The following ARHGAP15 variants were observed in gnomAD, a reference collection of about 807,000 sequenced individuals.
The protein encoded by ARHGAP15 is rho GTPase-activating protein 15.
A neutral mutation model predicts 63.7 loss-of-function variants in ARHGAP15; 51 were observed. That is an observed-to-expected ratio of 0.80 (90% CI 0.64 to 1.01). The LOEUF (loss-of-function observed/expected upper bound fraction) is 1.01, where lower values mean the gene tolerates loss of function less well. Among genes scored for constraint, ARHGAP15 ranks in the 50% least tolerant of loss-of-function variants. ARHGAP15 has a pLI of 0.00. For synonymous variants in ARHGAP15, 191 were observed against 193.8 expected, an observed-to-expected ratio of 0.99 and a Z score of 0.12; for missense variants, 560 against 564.6, an observed-to-expected ratio of 0.99 and a Z score of 0.08.
chr2:143,256,008 C>A (rs191232807), intron 6 of ARHGAP15, among the ~76,000 whole-genome samples: 228 of 152,052 alleles, frequency 1.5e-3, no homozygotes, highest in African/African-American at 5.3e-3. Flanking sequence ...ATGTGTGTTC[C>A]AATTTGGGCT....
chr2:143,696,726 A>T (rs192359615), intron 12 of ARHGAP15, among the ~76,000 whole-genome samples: 13 of 152,348 alleles, frequency 8.5e-5, no homozygotes, highest in Admixed American at 7.8e-4. Context: ...TCAAAAAAAC[A>T]GCCAAAACAT....
intron 11 of ARHGAP15, among the ~76,000 whole-genome samples, chr2:143,604,827 T>C (rs932238841): frequency 2.0e-5 from 3 of 152,170 alleles, no homozygotes; most frequent in Non-Finnish European, 4.4e-5. Flanking sequence ...TTTTGCTTTA[T>C]TGTAGTGAAG....
intron 11 of ARHGAP15, among the ~76,000 whole-genome samples, chr2:143,620,734 A>G (rs2105234763): frequency 6.6e-6 from 1 of 152,320 alleles, no homozygotes; most frequent in South Asian, 2.1e-4. Context: ...TGATAACAAT[A>G]GCATCTTCCT....
At chr2:143,300,138 C>A (rs963836260) in intron 6 of ARHGAP15, among the ~76,000 whole-genome samples, 3 of 151,932 alleles carry the variant, frequency 2.0e-5, no homozygotes, top group South Asian at 4.1e-4. Context: ...AGTCTGGGAA[C>A]GTCCTACAGG....
At chr2:143,626,186 T>TGC (rs1698828190) in intron 12 of ARHGAP15, among the ~76,000 whole-genome samples, 1 of 152,132 alleles carries the variant, frequency 6.6e-6, no homozygotes, top group African/African-American at 2.4e-5. Flanking sequence ...CCAACACCTA[T>TGC]AAAATGGGTT....
In ARHGAP15 at chr2:143,436,942, C is replaced by T. The variant is rs774313685; in HGVS notation, c.603C>T (p.Asn201=). The part of the protein sequence containing the change: ...LPKDSSCPSR[N]LELFKIQRSS... ...AGGATTCAAGTTGTCCATCAAGAAA[C>T]CTGGAATTATTCAAAATCCAAAGAT... Residue 201 remains asparagine (N), a synonymous_variant, in exon 8 of 14, where the codon AAC becomes AAT. Transcript: ENST00000295095. 20 of 1,611,324 alleles carry T rather than the reference C, an allele frequency of 1.2e-5. 1 individual carries two copies. In the Admixed American group the frequency reaches 3.4e-4, roughly 27 times the overall value.
At chr2:143,568,984 T>C (rs988665786) in intron 11 of ARHGAP15, among the ~76,000 whole-genome samples, 2 of 151,884 alleles carry the variant, frequency 1.3e-5, no homozygotes, top group Non-Finnish European at 2.9e-5. Flanking sequence ...GGTCACAGGG[T>C]AGGGAACATC....
chr2:143,290,348 A>G (rs1318815788), intron 6 of ARHGAP15, among the ~76,000 whole-genome samples: 1 of 152,062 alleles, frequency 6.6e-6, no homozygotes, highest in Non-Finnish European at 1.5e-5. Context: ...GTAAGGGAAT[A>G]AAGTGGTGGT....
chr2:143,694,092 C>T (rs544082270), intron 12 of ARHGAP15, among the ~76,000 whole-genome samples: 48 of 152,064 alleles, frequency 3.2e-4, no homozygotes, highest in Non-Finnish European at 5.9e-4. Flanking sequence ...AGTTTCTTAA[C>T]TATAATGAAA....
At chr2:143,337,670 T>C (rs935478449) in intron 6 of ARHGAP15, among the ~76,000 whole-genome samples, 1 of 152,152 alleles carries the variant, frequency 6.6e-6, no homozygotes, top group African/African-American at 2.4e-5. Context: ...ACTTTTGGGA[T>C]CACAGTATTT....
At position 143,567,773 on chromosome 2, in the gene ARHGAP15, C is replaced by T. The variant is rs187027891; in HGVS notation, c.1003+11288C>T. Among the ~76,000 whole-genome samples the T allele has an allele frequency of 5.3e-5, 8 of 152,274 alleles. No individual in the cohort carries two copies. The South Asian group carries it at 8.3e-4, about 16-fold the overall frequency. On this transcript the variant is annotated intron_variant, in intron 11 of 13. Coordinates refer to ENST00000295095, the MANE Select transcript of ARHGAP15 (RefSeq NM_018460.4). ...AGGTGATTTGTTGCCAAGTCCCTGT[C>T]GGCCCCATATCTCGCTGTACCTCAC...
At chr2:143,182,097 G>A (rs1287375057) in intron 2 of ARHGAP15, among the ~76,000 whole-genome samples, 1 of 151,780 alleles carries the variant, frequency 6.6e-6, no homozygotes, top group East Asian at 1.9e-4. Context: ...CAGAGTATCT[G>A]GGATTACAGG....
At chr2:143,435,844 C>T in intron 7 of ARHGAP15, 145 bp downstream of exon 7, 1 of 816,648 alleles carries the variant, frequency 1.2e-6, no homozygotes, top group Non-Finnish European at 1.8e-6. Context: ...ATAGAATCTA[C>T]TAAAAACCTT....
intron 11 of ARHGAP15, among the ~76,000 whole-genome samples, chr2:143,576,967 T>A (rs1696704122): frequency 6.6e-6 from 1 of 152,160 alleles, no homozygotes; most frequent in South Asian, 2.1e-4. Context: ...TCTACAAAGC[T>A]GTCATCAAAC....
intron 9 of ARHGAP15, among the ~76,000 whole-genome samples, chr2:143,517,076 G>A (rs1693856859): frequency 6.6e-6 from 1 of 152,172 alleles, no homozygotes; most frequent in Non-Finnish European, 1.5e-5. Flanking sequence ...AGCCTCCTGA[G>A]TAGCTGGGAC....
chr2:143,202,323 C>T (rs34183792), intron 3 of ARHGAP15, 121 bp downstream of exon 3: 115,385 of 769,730 alleles, frequency 0.15, 9,556 homozygotes, highest in African/African-American at 0.23. Context: ...AATCAGGGCA[C>T]CACTTAGTAG....
At chr2:143,514,977 A>G (rs1693746297) in intron 9 of ARHGAP15, among the ~76,000 whole-genome samples, 1 of 152,170 alleles carries the variant, frequency 6.6e-6, no homozygotes, top group African/African-American at 2.4e-5. Flanking sequence ...GGGAAAATAA[A>G]CACTGCACAC....
chr2:143,318,821 GACA>G (rs1384207177), intron 6 of ARHGAP15, among the ~76,000 whole-genome samples: 2 of 152,012 alleles, frequency 1.3e-5, no homozygotes, highest in African/African-American at 4.8e-5. Flanking sequence ...AAAGTATCTT[GACA>G]ACATTAATGC....
At chr2:143,434,402 C>A (rs1574443839) in intron 6 of ARHGAP15, among the ~76,000 whole-genome samples, 1 of 152,148 alleles carries the variant, frequency 6.6e-6, no homozygotes, top group East Asian at 1.9e-4. Context: ...TAACAGATTT[C>A]TTTCAAAACC....
Sources: gnomAD v4.1 joint callset for allele counts (sites outside exome capture counted in the v4.1 genomes callset) on GRCh38, gnomAD v4.1.1 for gene constraint, MANE v1.5 for transcripts, NCBI Gene and HGNC (gene_info 2026-07-23, HGNC 2026-07-21) for gene names.